Variants in GPD2 observed in about 807,000 individuals in gnomAD.
The protein encoded by GPD2 is glycerol-3-phosphate dehydrogenase 2, also known as glycerol-3-phosphate dehydrogenase, mitochondrial.
GPD2 carries 54 observed loss-of-function variants against 82.4 expected under a neutral mutation model. That is an observed-to-expected ratio of 0.66 (90% CI 0.53 to 0.82). The LOEUF (loss-of-function observed/expected upper bound fraction) is 0.82. Among genes scored for constraint, GPD2 ranks in the 40% least tolerant of loss-of-function variants. GPD2 has a pLI of 0.00. For synonymous variants in GPD2, 288 were observed against 306.1 expected (o/e 0.94, Z 0.62); for missense variants, 748 against 896.2 (o/e 0.83, Z 2.11).
chr2:156,496,360 G>A, intron 3 of GPD2, 145 bp downstream of exon 3: 1 of 635,036 alleles, frequency 1.6e-6, no homozygotes, highest in South Asian at 1.8e-5. Flanking sequence ...GCATGCATTA[G>A]CTATTTATCC....
intron 6 of GPD2, among the ~76,000 whole-genome samples, chr2:156,528,827 C>T (rs1477213160): frequency 6.6e-6 from 1 of 152,124 alleles, no homozygotes; most frequent in African/African-American, 2.4e-5. Flanking sequence ...TTTTCTTAAT[C>T]CAGTCTATCA....
the GPD2 span, among the ~76,000 whole-genome samples, chr2:156,422,688 C>T: frequency 4.0e-5 from 6 of 151,038 alleles, no homozygotes; most frequent in Non-Finnish European, 8.8e-5. Flanking sequence ...GCAGAGATTG[C>T]GCCACTGCAC....
At chr2:156,500,774 A>G (rs1684560485) in intron 3 of GPD2, among the ~76,000 whole-genome samples, 1 of 152,184 alleles carries the variant, frequency 6.6e-6, no homozygotes, top group South Asian at 2.1e-4. Context: ...TTCATAATGA[A>G]CATTTATTTG....
chr2:156,558,225 C>T (rs1464352771), intron 9 of GPD2, among the ~76,000 whole-genome samples: 1 of 152,154 alleles, frequency 6.6e-6, no homozygotes, highest in Non-Finnish European at 1.5e-5. Context: ...TATATTTCCT[C>T]TCTCAGTTGA....
At chr2:156,513,705 C>T (rs371345698) in intron 6 of GPD2, among the ~76,000 whole-genome samples, 2 of 152,170 alleles carry the variant, frequency 1.3e-5, no homozygotes, top group African/African-American at 4.8e-5. Flanking sequence ...GTTTATTTTA[C>T]ATATTTGTTT....
At chr2:156,555,546 GTT>G (rs1558959109) in intron 8 of GPD2, among the ~76,000 whole-genome samples, 1 of 151,976 alleles carries the variant, frequency 6.6e-6, no homozygotes, top group Non-Finnish European at 1.5e-5. Flanking sequence ...ATATACTTCT[GTT>G]TATCAAATAG....
rs1452621510 is a variant in GPD2 at position 156,510,478 on chromosome 2, T to TA, written c.275-317dup. ...CAACATTCAGTTAACTCTTCATGGG[T>TA]AGAGTTGGGTGCTAGTCTCTCCTTT... On this transcript the variant is annotated intron_variant, in intron 3 of 16. Coordinates refer to ENST00000438166, the MANE Select transcript of GPD2 (RefSeq NM_000408.5). 2.0e-5 allele frequency among the ~76,000 whole-genome samples: 3 copies of TA among 152,282 alleles called. No individual in the cohort carries two copies. The East Asian group carries it at 5.8e-4, about 29-fold the overall frequency.
intron 1 of GPD2, among the ~76,000 whole-genome samples, chr2:156,470,497 C>G (rs1436068074): frequency 1.3e-5 from 2 of 152,132 alleles, no homozygotes; most frequent in African/African-American, 4.8e-5. Context: ...CTGGTCCAGC[C>G]CATTTGCATG....
intron 3 of GPD2, among the ~76,000 whole-genome samples, chr2:156,504,784 GT>G (rs1385039673): frequency 1.3e-5 from 2 of 151,804 alleles, no homozygotes; most frequent in Non-Finnish European, 2.9e-5. Flanking sequence ...ATGGGTAAGT[GT>G]TTACAATAAA....
chr2:156,566,279 G>A (rs931651824), intron 9 of GPD2, among the ~76,000 whole-genome samples: 1 of 151,918 alleles, frequency 6.6e-6, no homozygotes, highest in African/African-American at 2.4e-5. Flanking sequence ...GTGGCATTAC[G>A]TACATTCACA....
intron 8 of GPD2, among the ~76,000 whole-genome samples, chr2:156,553,434 A>T (rs975999160): frequency 6.6e-6 from 1 of 152,196 alleles, no homozygotes; most frequent in East Asian, 1.9e-4. Context: ...AATATAGAGA[A>T]TTCAAACTAT....
chr2:156,495,856 A>T (rs184643613), intron 2 of GPD2, among the ~76,000 whole-genome samples, 188 bp from the exon 3 acceptor site: 4 of 152,294 alleles, frequency 2.6e-5, no homozygotes, highest in Non-Finnish European at 5.9e-5. Context: ...TCATGAAAAG[A>T]AATACACCGA....
At chr2:156,480,830 T>C (rs1424525284) in intron 2 of GPD2, among the ~76,000 whole-genome samples, 2 of 148,458 alleles carry the variant, frequency 1.3e-5, no homozygotes, top group Non-Finnish European at 3.0e-5. Context: ...CAGGCTGGAG[T>C]GCCAGGGGCA....
At chr2:156,451,737 CG>C (rs941746988) in intron 1 of GPD2, among the ~76,000 whole-genome samples, 3 of 147,118 alleles carry the variant, frequency 2.0e-5, no homozygotes, top group Admixed American at 6.7e-5. Flanking sequence ...GCTGGCCGGG[CG>C]GGGGGCTGAC....
rs139563770 is a variant in GPD2, at chr2:156,443,127, C to G, written c.-9+6614C>G. ...TCTATTTCACTTTTTGAAATCCTAACAAACCTTGAGTGCCCTGACCCCTGG... is the reference window on the plus strand; with the variant it reads ...TCTATTTCACTTTTTGAAATCCTAAGAAACCTTGAGTGCCCTGACCCCTGG... On this transcript the variant is annotated intron_variant, in intron 1 of 16. Coordinates refer to ENST00000438166, the MANE Select transcript of GPD2 (RefSeq NM_000408.5). Among the ~76,000 whole-genome samples the G allele has an allele frequency of 9.9e-5, 15 of 152,276 alleles. 1 individual carries two copies. In the East Asian group the frequency reaches 2.7e-3, roughly 27 times the overall value.
At chr2:156,445,326 T>C (rs968230140) in intron 1 of GPD2, among the ~76,000 whole-genome samples, 2 of 152,208 alleles carry the variant, frequency 1.3e-5, no homozygotes, top group African/African-American at 4.8e-5. Flanking sequence ...TTAAAAACAA[T>C]AGAATCGAGA....
In GPD2 at chr2:156,464,772, A is replaced by G. The variant is rs190392591; in HGVS notation, c.-8-11326A>G. On this transcript the variant is annotated intron_variant, in intron 1 of 16. Transcript: ENST00000438166. ...GCTCAGGATTTCTTAAACCATCTTCAACAGATACTTCCCCAAATATATTTC... is the reference window on the plus strand; with the variant it reads ...GCTCAGGATTTCTTAAACCATCTTCGACAGATACTTCCCCAAATATATTTC... Among the ~76,000 whole-genome samples, 6 of 152,350 alleles carry G rather than the reference A, an allele frequency of 3.9e-5. No homozygotes were observed. The East Asian group carries it at 1.2e-3, about 29-fold the overall frequency.
At chr2:156,488,944 A>T (rs1684047351) in intron 2 of GPD2, among the ~76,000 whole-genome samples, 1 of 152,202 alleles carries the variant, frequency 6.6e-6, no homozygotes, top group African/African-American at 2.4e-5. Flanking sequence ...TTCCACCAAG[A>T]TAAAAATTTT....
chr2:156,521,614 A>G (rs1199533385), intron 6 of GPD2, among the ~76,000 whole-genome samples: 4 of 152,222 alleles, frequency 2.6e-5, no homozygotes, highest in African/African-American at 4.8e-5. Context: ...ATCCCCTTGT[A>G]TGTTTAAAAT....
Sources: allele counts gnomAD v4.1 joint callset (sites outside exome capture counted in the v4.1 genomes callset), GRCh38; gene constraint gnomAD v4.1.1; transcripts MANE v1.5; gene names NCBI Gene and HGNC (gene_info 2026-07-23, HGNC 2026-07-21).